The following IL1RAPL1 variants were observed in gnomAD, a reference collection of about 807,000 sequenced individuals.
IL1RAPL1 encodes interleukin-1 receptor accessory protein-like 1.
A neutral mutation model predicts 48.4 loss-of-function variants in IL1RAPL1; 3 were observed. The observed-to-expected ratio is 0.06, with a 90% confidence interval of 0.03 to 0.16. IL1RAPL1 has a LOEUF of 0.16. IL1RAPL1 is among the 10% of genes least tolerant of loss of function. The pLI is 1.00. For missense variants in IL1RAPL1, 349 were observed against 530.6 expected, an observed-to-expected ratio of 0.66 and a Z score of 3.36; for synonymous variants, 185 against 187.7, an observed-to-expected ratio of 0.99 and a Z score of 0.12.
In IL1RAPL1 at chrX:29,808,763, A is replaced by T. The variant is rs142859370; in HGVS notation, c.779-108701A>T. ...TTACATTTTCTTGGAATATATCTTC[A>T]GTACACCTTTCTGGTAAAGTGAAAC... On this transcript the variant is annotated intron_variant, in intron 6 of 10. Coordinates refer to ENST00000378993, the MANE Select transcript of IL1RAPL1 (RefSeq NM_014271.4). Among the ~76,000 whole-genome samples, 305 of 111,521 alleles carry T rather than the reference A, an allele frequency of 2.7e-3. 2 individuals are homozygous for T. Among genetic ancestry groups the T allele is most frequent in the African/African-American group, 9.1e-3 (279 of 30,777 alleles).
At chrX:29,653,211 T>A (rs775351647) in intron 5 of IL1RAPL1, among the ~76,000 whole-genome samples, 1 of 112,386 alleles carries the variant, frequency 8.9e-6, no homozygotes, top group African/African-American at 3.2e-5. Context: ...TTAACTCTTG[T>A]TAGTATGGAC....
At chrX:29,676,421 C>T (rs1196523688) in intron 6 of IL1RAPL1, among the ~76,000 whole-genome samples, 1 of 111,622 alleles carries the variant, frequency 9.0e-6, no homozygotes, top group Non-Finnish European at 1.9e-5. Context: ...GCCTTCATTA[C>T]AGGATAAATA....
intron 6 of IL1RAPL1, among the ~76,000 whole-genome samples, chrX:29,862,584 G>A (rs1339700531): frequency 3.6e-5 from 4 of 111,516 alleles, no homozygotes; most frequent in Non-Finnish European, 3.8e-5. Flanking sequence ...AAACAATATT[G>A]TGGGAAAAAA....
chrX:29,794,062 G>A (rs1314959322), intron 6 of IL1RAPL1, among the ~76,000 whole-genome samples: 1 of 111,853 alleles, frequency 8.9e-6, no homozygotes, highest in Non-Finnish European at 1.9e-5. Flanking sequence ...ATAATTGTAA[G>A]TTTAACACAG....
chrX:29,404,349 T>G (rs766611398), intron 5 of IL1RAPL1, among the ~76,000 whole-genome samples: 1 of 112,285 alleles, frequency 8.9e-6, no homozygotes, highest in South Asian at 3.7e-4. Context: ...TTCTTTCACT[T>G]AGCAATATGC....
chrX:28,958,778 C>T (rs114800459), intron 2 of IL1RAPL1, among the ~76,000 whole-genome samples: 1,467 of 111,117 alleles, frequency 0.013, 23 homozygotes, highest in African/African-American at 0.045. Context: ...TCTCCACTTC[C>T]GTAGAGTTTT....
intron 6 of IL1RAPL1, among the ~76,000 whole-genome samples, chrX:29,843,162 T>C (rs1931170616): frequency 8.9e-6 from 1 of 112,002 alleles, no homozygotes; most frequent in Admixed American, 9.5e-5. Context: ...ATGAGTTCCG[T>C]ACATTCACTG....
At chrX:29,915,434 TAAAC>T (rs999187430) in intron 6 of IL1RAPL1, among the ~76,000 whole-genome samples, 15 of 112,340 alleles carry the variant, frequency 1.3e-4, no homozygotes, top group Admixed American at 1.1e-3. Flanking sequence ...GAATTATTCT[TAAAC>T]AACGAACATA....
intron 5 of IL1RAPL1, among the ~76,000 whole-genome samples, chrX:29,635,795 G>GA (rs199689857): frequency 3.2e-3 from 310 of 97,641 alleles, no homozygotes; most frequent in South Asian, 6.8e-3. Context: ...GATGCTTCCG[G>GA]AAAAAAAAAA....
At chrX:29,209,560 G>A (rs376027732) in intron 2 of IL1RAPL1, among the ~76,000 whole-genome samples, 5 of 111,628 alleles carry the variant, frequency 4.5e-5, no homozygotes, top group East Asian at 2.8e-4. Context: ...GGCTAGGTGC[G>A]CTTATACAGG....
intron 6 of IL1RAPL1, among the ~76,000 whole-genome samples, chrX:29,735,162 G>A (rs1928013984): frequency 1.8e-5 from 2 of 111,435 alleles, no homozygotes; most frequent in South Asian, 7.6e-4. Context: ...GGGGAGAATT[G>A]GTTTCTTTGC....
chrX:29,199,404 A>G (rs1204018981), intron 2 of IL1RAPL1, among the ~76,000 whole-genome samples: 1 of 111,641 alleles, frequency 9.0e-6, no homozygotes, highest in South Asian at 3.7e-4. Context: ...AAGTTAATAA[A>G]AACTATGATA....
intron 6 of IL1RAPL1, among the ~76,000 whole-genome samples, chrX:29,760,284 C>T (rs1288836277): frequency 9.0e-6 from 1 of 110,873 alleles, no homozygotes; most frequent in Non-Finnish European, 1.9e-5. Context: ...ATTATTAGAT[C>T]GGTTCTCAAA....
intron 2 of IL1RAPL1, among the ~76,000 whole-genome samples, chrX:28,925,078 A>T (rs1923707486): frequency 8.9e-6 from 1 of 111,772 alleles, no homozygotes; most frequent in Admixed American, 9.5e-5. Context: ...AAGAAACAAA[A>T]ATATACTTGT....
intron 6 of IL1RAPL1, among the ~76,000 whole-genome samples, chrX:29,765,389 G>A (rs1837394678): frequency 9.0e-6 from 1 of 111,298 alleles, no homozygotes; most frequent in Non-Finnish European, 1.9e-5. Context: ...TAATTAAAAT[G>A]AATTTGCTTG....
intron 3 of IL1RAPL1, among the ~76,000 whole-genome samples, chrX:29,351,684 C>T (rs1372243173): frequency 9.0e-6 from 1 of 111,707 alleles, no homozygotes; most frequent in East Asian, 2.8e-4. Flanking sequence ...ATTTGCCGTA[C>T]ATTCTTTTCA....
intron 2 of IL1RAPL1, among the ~76,000 whole-genome samples, chrX:28,812,514 T>C (rs1163793941): frequency 9.0e-6 from 1 of 111,067 alleles, no homozygotes; most frequent in Admixed American, 9.6e-5. Context: ...GTTGTTAAAA[T>C]GTACATCTCT....
At chrX:29,364,388 A>G (rs147059648) in intron 3 of IL1RAPL1, among the ~76,000 whole-genome samples, 1,391 of 107,926 alleles carry the variant, frequency 0.013, 28 homozygotes, top group African/African-American at 0.045. Flanking sequence ...GTGAAACCCC[A>G]TCTCTACTAA....
intron 2 of IL1RAPL1, among the ~76,000 whole-genome samples, chrX:28,797,902 C>T (rs1936632483): frequency 1.8e-5 from 2 of 112,138 alleles, no homozygotes; most frequent in South Asian, 7.4e-4. Flanking sequence ...ATTGGACTTA[C>T]AGTTCCACAT....
Sources: gnomAD v4.1 joint callset for allele counts (sites outside exome capture counted in the v4.1 genomes callset) on GRCh38, gnomAD v4.1.1 for gene constraint, MANE v1.5 for transcripts, NCBI Gene and HGNC (gene_info 2026-07-23, HGNC 2026-07-21) for gene names.